VPS53: variants seen among roughly 807,000 people sequenced by gnomAD.
VPS53 encodes VPS53 subunit of GARP complex.
In VPS53, 70 loss-of-function variants were observed where a neutral mutation model predicts 107.0. The observed-to-expected ratio is 0.65, with a 90% CI of 0.54 to 0.80. The LOEUF (loss-of-function observed/expected upper bound fraction) is 0.80, where lower values mean the gene tolerates loss of function less well. Among genes scored for constraint, VPS53 ranks in the 30% least tolerant of loss-of-function variants. The probability of loss-of-function intolerance (pLI) is 0.00; values close to 1 mark genes in which losing one functional copy is unlikely to be tolerated. For synonymous variants in VPS53, 409 were observed against 393.3 expected (o/e 1.04, Z -0.47); for missense variants, 917 against 1,049.4 (o/e 0.87, Z 1.74).
intron 12 of VPS53, among the ~76,000 whole-genome samples, chr17:600,559 C>T (rs553127293): frequency 7.9e-5 from 12 of 152,364 alleles, no homozygotes; most frequent in South Asian, 2.1e-4. Context: ...AATACATCTC[C>T]GGGATGGAGC....
At chr17:631,482 C>T in intron 8 of VPS53, 68 bp downstream of exon 8, 2 of 1,497,306 alleles carry the variant, frequency 1.3e-6, no homozygotes, top group African/African-American at 1.4e-5. Context: ...CACATGGTGA[C>T]TGGGGTGAGC....
intron 11 of VPS53, among the ~76,000 whole-genome samples, chr17:615,838 C>G (rs1438618007): frequency 6.6e-6 from 1 of 152,198 alleles, no homozygotes; most frequent in Non-Finnish European, 1.5e-5. Context: ...GGGGTCAGGA[C>G]AGCTGGAACT....
In VPS53 at chr17:559,265, G is replaced by A. The variant is rs184370931; in HGVS notation, c.1704+1161C>T. On this transcript the variant is annotated intron_variant, in intron 15 of 21. Transcript: ENST00000437048. Reference sequence around the variant, plus strand: ...TAATATGATTATTTGAGGATGATGGGATTAAAAGGGATCTTTATTTTTTTA... The same window carrying A: ...TAATATGATTATTTGAGGATGATGGAATTAAAAGGGATCTTTATTTTTTTA... 3.1e-3 allele frequency among the ~76,000 whole-genome samples: 476 copies of A among 152,262 alleles called. 2 individuals are homozygous for A. The highest frequency in any genetic ancestry group is 0.01 in the Middle Eastern group (3 of 294).
chr17:534,188 G>C (rs1191487632), intron 18 of VPS53, among the ~76,000 whole-genome samples: 1 of 152,194 alleles, frequency 6.6e-6, no homozygotes, highest in Non-Finnish European at 1.5e-5. Flanking sequence ...TTACCAGGAA[G>C]TTAATATGTG....
rs147010760 is a variant in VPS53 at position 612,107 on chromosome 17, T to C, written c.1117-10211A>G. On this transcript the variant is annotated intron_variant, in intron 11 of 21. Transcript: ENST00000437048. ...AGTGAGTTCACACAGTGAAAACCTG[T>C]ACAGATACTCACAGCAGTATTCAAA... 2.1e-3 allele frequency among the ~76,000 whole-genome samples: 311 copies of C among 151,478 alleles called. 8 individuals are homozygous for C. In the East Asian group the frequency reaches 0.055, roughly 27 times the overall value.
At chr17:574,112 A>G (rs556758298) in intron 13 of VPS53, among the ~76,000 whole-genome samples, 12 of 152,328 alleles carry the variant, frequency 7.9e-5, no homozygotes, top group South Asian at 2.1e-4. Context: ...CTCTTGACAG[A>G]TAAGGAAATG....
intron 4 of VPS53, among the ~76,000 whole-genome samples, chr17:681,309 G>C (rs938383043): frequency 6.6e-6 from 1 of 152,142 alleles, no homozygotes; most frequent in African/African-American, 2.4e-5. Flanking sequence ...GCTAACTTTT[G>C]TATTTTTAGT....
chr17:661,918 A>C, intron 4 of VPS53, 23 bp from the exon 5 acceptor site: 1 of 1,545,726 alleles, frequency 6.5e-7, no homozygotes, highest in Non-Finnish European at 8.7e-7. Flanking sequence ...AAATACATGA[A>C]AAACAAAAAG....
At chr17:604,602 C>T (rs961834620) in intron 11 of VPS53, among the ~76,000 whole-genome samples, 4 of 152,178 alleles carry the variant, frequency 2.6e-5, no homozygotes. Flanking sequence ...CATCACCACA[C>T]CCAAGTAATT....
intron 7 of VPS53, among the ~76,000 whole-genome samples, chr17:639,063 G>T (rs909792093): frequency 3.3e-5 from 5 of 152,260 alleles, no homozygotes. Context: ...CCAATAAGAC[G>T]TAGATTTGGT....
chr17:549,572 G>A (rs190062691), intron 17 of VPS53, among the ~76,000 whole-genome samples: 60 of 131,906 alleles, frequency 4.5e-4, no homozygotes, highest in Admixed American at 8.6e-4. Flanking sequence ...CCTTCCAACC[G>A]TGATTTTATT....
chr17:670,208 G>C (rs1971878297), intron 4 of VPS53, among the ~76,000 whole-genome samples: 1 of 151,466 alleles, frequency 6.6e-6, no homozygotes, highest in African/African-American at 2.4e-5. Context: ...TGGTGAACTG[G>C]GCACTGGTGA....
At chr17:653,651 A>G (rs1597441652) in intron 6 of VPS53, among the ~76,000 whole-genome samples, 1 of 152,374 alleles carries the variant, frequency 6.6e-6, no homozygotes, top group East Asian at 1.9e-4. Flanking sequence ...AGTATCAAAA[A>G]GGATGAACTA....
chr17:533,802 T>C (rs1033905221), intron 18 of VPS53, among the ~76,000 whole-genome samples: 2 of 151,986 alleles, frequency 1.3e-5, no homozygotes, highest in African/African-American at 2.4e-5. Flanking sequence ...GTCTGAGACA[T>C]AGGAGATGCT....
chr17:710,920 G>A (rs1198155955), intron 1 of VPS53, among the ~76,000 whole-genome samples: 1 of 152,140 alleles, frequency 6.6e-6, no homozygotes, highest in Non-Finnish European at 1.5e-5. Context: ...ACTCCAGTCT[G>A]GGCGAAAGAG....
chr17:561,491 A>C (rs1193984845), intron 14 of VPS53, among the ~76,000 whole-genome samples: 1 of 152,260 alleles, frequency 6.6e-6, no homozygotes, highest in Non-Finnish European at 1.5e-5. Context: ...ATAAAGCTAT[A>C]AGCAGTATAG....
chr17:636,716 C>T (rs140205924), intron 7 of VPS53, among the ~76,000 whole-genome samples: 6,476 of 152,222 alleles, frequency 0.043, 446 homozygotes, highest in African/African-American at 0.15. Flanking sequence ...TGATGAATTA[C>T]ATTTTTTGAT....
At chr17:690,383 G>T (rs753933834) in intron 4 of VPS53, among the ~76,000 whole-genome samples, 2 of 152,224 alleles carry the variant, frequency 1.3e-5, no homozygotes, top group Non-Finnish European at 2.9e-5. Flanking sequence ...CAGTGTTTGT[G>T]AAAAACACTA....
chr17:692,915 C>T (rs1972826561), intron 4 of VPS53, among the ~76,000 whole-genome samples: 1 of 152,142 alleles, frequency 6.6e-6, no homozygotes, highest in Non-Finnish European at 1.5e-5. Context: ...GCGGGCGGAC[C>T]ATGAAGTCAG....
Sources: gnomAD v4.1 joint callset for allele counts (sites outside exome capture counted in the v4.1 genomes callset) on GRCh38, gnomAD v4.1.1 for gene constraint, MANE v1.5 for transcripts, NCBI Gene and HGNC (gene_info 2026-07-23, HGNC 2026-07-21) for gene names.